The following EFHC2 variants were observed in gnomAD, a reference collection of about 807,000 sequenced individuals.
EFHC2 encodes EF-hand domain containing 2.
A neutral mutation model predicts 52.7 loss-of-function variants in EFHC2; 18 were observed. That is an observed-to-expected ratio of 0.34 (90% confidence interval 0.24 to 0.51). EFHC2 has a LOEUF of 0.51. Ranked by LOEUF, EFHC2 falls within the 20% of genes least tolerant of loss-of-function variation. The pLI, the probability that EFHC2 is intolerant of heterozygous loss-of-function variation, is 0.97. For synonymous variants in EFHC2, 203 were observed against 204.1 expected (o/e 0.99, Z 0.04); for missense variants, 513 against 562.5 (o/e 0.91, Z 0.89).
At chrX:44,183,662 A>G (rs1401180419) in intron 11 of EFHC2, among the ~76,000 whole-genome samples, 2 of 112,111 alleles carry the variant, frequency 1.8e-5, no homozygotes, top group Non-Finnish European at 3.8e-5. Flanking sequence ...CAAGGCCACC[A>G]TAGATGGCCA....
intron 1 of EFHC2, among the ~76,000 whole-genome samples, chrX:44,322,725 G>A (rs2038029054): frequency 8.9e-6 from 1 of 112,103 alleles, no homozygotes; most frequent in Admixed American, 9.5e-5. Context: ...TTATTATTTT[G>A]TTTTCTCAAG....
intron 11 of EFHC2, among the ~76,000 whole-genome samples, chrX:44,226,439 T>C (rs1365215493): frequency 9.0e-6 from 1 of 111,607 alleles, no homozygotes; most frequent in East Asian, 2.8e-4. Context: ...GTCTGGACTC[T>C]TGGGGATGCC....
intron 3 of EFHC2, among the ~76,000 whole-genome samples, chrX:44,266,757 C>A (rs987370997): frequency 4.5e-5 from 5 of 111,310 alleles, no homozygotes; most frequent in Non-Finnish European, 5.6e-5. Flanking sequence ...AACCTTCCCA[C>A]CACCCCTCCA....
intron 2 of EFHC2, chrX:44,309,784 T>G: frequency 9.8e-7 from 1 of 1,021,282 alleles, no homozygotes; most frequent in Non-Finnish European, 1.4e-6. Flanking sequence ...GAAGATGCCT[T>G]CTACTGCAGC....
intron 2 of EFHC2, chrX:44,286,289 G>A (rs1388492982): frequency 8.9e-6 from 1 of 112,539 alleles, no homozygotes; most frequent in African/African-American, 3.2e-5. Context: ...AAAGGAGACC[G>A]GTAGCCTAAC....
intron 4 of EFHC2, among the ~76,000 whole-genome samples, chrX:44,258,087 G>A (rs1478064836): frequency 8.9e-6 from 1 of 111,979 alleles, no homozygotes; most frequent in African/African-American, 3.2e-5. Context: ...GCCATATGCA[G>A]AAAACTGAAA....
chrX:44,213,226 T>C (rs1243347001), intron 11 of EFHC2, among the ~76,000 whole-genome samples: 3 of 110,775 alleles, frequency 2.7e-5, no homozygotes, highest in African/African-American at 6.6e-5. Flanking sequence ...AATTAGACAA[T>C]ATGCAAGAAT....
chrX:44,275,922 A>G (rs2037654049), intron 2 of EFHC2, among the ~76,000 whole-genome samples: 1 of 108,749 alleles, frequency 9.2e-6, no homozygotes, highest in African/African-American at 3.3e-5. Flanking sequence ...TCAAAAAAAA[A>G]AAAAAGAAAA....
chrX:44,261,940 T>A (rs2147345808), intron 3 of EFHC2, among the ~76,000 whole-genome samples: 1 of 110,294 alleles, frequency 9.1e-6, no homozygotes, highest in African/African-American at 3.3e-5. Flanking sequence ...ACCCAAGCAC[T>A]ACCTCAAGTG....
At chrX:44,305,495 G>C (rs981303842) in intron 2 of EFHC2, among the ~76,000 whole-genome samples, 10 of 110,941 alleles carry the variant, frequency 9.0e-5, no homozygotes, top group Admixed American at 3.8e-4. Context: ...TATTATACTA[G>C]CTTAATAACA....
chrX:44,324,341 C>T (rs1569308965), intron 1 of EFHC2, among the ~76,000 whole-genome samples: 1 of 111,225 alleles, frequency 9.0e-6, no homozygotes, highest in African/African-American at 3.3e-5. Flanking sequence ...GCCAAACTAT[C>T]TTTTAAAAAC....
intron 11 of EFHC2, among the ~76,000 whole-genome samples, chrX:44,213,872 GA>G (rs1297057056): frequency 4.5e-5 from 5 of 112,094 alleles, no homozygotes; most frequent in African/African-American, 1.6e-4. Flanking sequence ...TACCCTTGCT[GA>G]GAGGAGGGAT....
chrX:44,195,332 G>C (rs917332190), intron 11 of EFHC2, among the ~76,000 whole-genome samples: 1 of 111,994 alleles, frequency 8.9e-6, no homozygotes, highest in Admixed American at 9.5e-5. Context: ...ATATGGAACA[G>C]AGCCATCCCA....
At chrX:44,176,161 G>T in intron 13 of EFHC2, 131 bp downstream of exon 13, 1 of 483,259 alleles carries the variant, frequency 2.1e-6, no homozygotes. Context: ...AATGGAGGCA[G>T]GTCACCAATA....
intron 3 of EFHC2, among the ~76,000 whole-genome samples, chrX:44,272,084 T>C (rs2037621771): frequency 8.9e-6 from 1 of 111,848 alleles, no homozygotes; most frequent in South Asian, 3.8e-4. Context: ...CTGCCATACT[T>C]AATGCAACCT....
chrX:44,262,944 G>A (rs1284467160), intron 3 of EFHC2, among the ~76,000 whole-genome samples: 3 of 112,103 alleles, frequency 2.7e-5, no homozygotes, highest in Non-Finnish European at 5.6e-5. Flanking sequence ...ATCTTCCAAC[G>A]CTATAAGCAA....
intron 2 of EFHC2, among the ~76,000 whole-genome samples, chrX:44,306,808 G>A (rs1303705767): frequency 2.7e-5 from 3 of 111,893 alleles, no homozygotes; most frequent in African/African-American, 6.5e-5. Context: ...TAGTGCATGT[G>A]ATTTATTAAG....
rs1169296631 is a variant in EFHC2 at position 44,312,705 on chromosome X, C to A, written c.94G>T (p.Val32Phe). 1.7e-6 allele frequency: 2 copies of A among 1,207,852 alleles called. No individual in the cohort carries two copies. The highest frequency in any genetic ancestry group is 4.4e-5 in the Admixed American group (2 of 45,382). Residue 32 changes from valine to phenylalanine, a missense_variant, in exon 2 of 15, where the codon GTT (valine) becomes TTT (phenylalanine). Physicochemically the swap from Val to Phe is conservative, Grantham distance 50. Coordinates refer to ENST00000420999, the MANE Select transcript of EFHC2 (RefSeq NM_025184.4). ...TTTTCATCACTCACCAACATCATAA[C>A]ATTGTTGCAAAAGCCCCAATGTTGG... ...KSQHWGFCNN[V>F]MMLVSDEKPG...
At chrX:44,160,032 G>A (rs1202803163) in intron 14 of EFHC2, among the ~76,000 whole-genome samples, 2 of 112,302 alleles carry the variant, frequency 1.8e-5, no homozygotes, top group African/African-American at 6.5e-5. Context: ...TGAGTGCTTT[G>A]TAAAAAGTCA....
Sources: allele counts gnomAD v4.1 joint callset (sites outside exome capture counted in the v4.1 genomes callset), GRCh38; gene constraint gnomAD v4.1.1; transcripts MANE v1.5; gene names NCBI Gene and HGNC (gene_info 2026-07-23, HGNC 2026-07-21).